CSDE1: variants seen among roughly 807,000 people sequenced by gnomAD.
CSDE1 encodes the protein cold shock domain containing E1, also known as cold shock domain-containing protein E1.
In CSDE1, 17 loss-of-function variants were observed where a neutral mutation model predicts 89.3. The observed-to-expected ratio is 0.19, with a 90% CI of 0.13 to 0.29. The LOEUF (loss-of-function observed/expected upper bound fraction) is 0.29. Among genes scored for constraint, CSDE1 ranks in the 10% least tolerant of loss-of-function variants. CSDE1 has a pLI of 1.00. For missense variants in CSDE1, 672 were observed against 984.2 expected, an observed-to-expected ratio of 0.68 and a Z score of 4.24; for synonymous variants, 322 against 332.8, an observed-to-expected ratio of 0.97 and a Z score of 0.35.
chr1:114,736,068 G>A (rs1230848919), intron 6 of CSDE1, among the ~76,000 whole-genome samples: 1 of 152,080 alleles, frequency 6.6e-6, no homozygotes, highest in African/African-American at 2.4e-5. Flanking sequence ...CATCTGCCCA[G>A]TAGGCCAGGC....
In CSDE1 at chr1:114,741,741, T is replaced by C. The variant is rs1468238399; in HGVS notation, c.1-1851A>G. 11 of 1,188,298 alleles carry C rather than the reference T, an allele frequency of 9.3e-6. 1 individual carries two copies. In the South Asian group the frequency reaches 1.9e-4, roughly 21 times the overall value. 73.6% of individuals were successfully genotyped at this position (1,188,298 alleles called of 1,614,324 possible). On this transcript the variant is annotated intron_variant, in intron 2 of 19. Transcript: ENST00000358528. Reference sequence around the variant, plus strand: ...AATTTAATGCACATTTCACAGTCAATATATATTTTTAGCTTGGGTTTAGCG... The same window carrying C: ...AATTTAATGCACATTTCACAGTCAACATATATTTTTAGCTTGGGTTTAGCG...
intron 6 of CSDE1, among the ~76,000 whole-genome samples, chr1:114,735,479 CTT>C (rs774592541): frequency 6.6e-6 from 1 of 152,162 alleles, no homozygotes; most frequent in African/African-American, 2.4e-5. Flanking sequence ...CGACAAGTAA[CTT>C]TGTGAGAACT....
intron 9 of CSDE1, among the ~76,000 whole-genome samples, chr1:114,733,063 T>C (rs1195188268): frequency 8.5e-5 from 13 of 152,256 alleles, no homozygotes; most frequent in East Asian, 1.9e-4. Flanking sequence ...TTAAGGAATT[T>C]TTCCAGGAAT....
chr1:114,718,325 T>A, intron 19 of CSDE1, 109 bp from the exon 20 acceptor site: 1 of 1,285,554 alleles, frequency 7.8e-7, no homozygotes, highest in South Asian at 1.3e-5. Context: ...TTTTTAATCA[T>A]CTTATGCAGT....
At chr1:114,753,526 T>C (rs1661418975) in intron 1 of CSDE1, among the ~76,000 whole-genome samples, 1 of 152,190 alleles carries the variant, frequency 6.6e-6, no homozygotes, top group Non-Finnish European at 1.5e-5. Context: ...CGGATTAACA[T>C]TAATTGGTGC....
In CSDE1 at chr1:114,734,400, A is replaced by C. The variant is rs1553247612; in HGVS notation, c.582+42T>G. On this transcript the variant is annotated intron_variant, in intron 7 of 19. Transcript: ENST00000358528. ...CTGGAGTTTGAAGTACAACATTTCA[A>C]GTGGCCAAAGAAAACTCAAGTTTCT... is the stretch of plus-strand genomic sequence containing the variant. 27 of 1,544,950 alleles carry C rather than the reference A, an allele frequency of 1.7e-5. No individual in the cohort carries two copies. The South Asian group carries it at 2.6e-4, about 15-fold the overall frequency.
At chr1:114,736,132 C>G (rs949924223) in intron 6 of CSDE1, among the ~76,000 whole-genome samples, 3 of 152,114 alleles carry the variant, frequency 2.0e-5, no homozygotes, top group African/African-American at 7.2e-5. Context: ...TTTATCAAAT[C>G]AATTAAGATT....
At chr1:114,740,818 A>G (rs950472074) in intron 2 of CSDE1, among the ~76,000 whole-genome samples, 1 of 152,246 alleles carries the variant, frequency 6.6e-6, no homozygotes, top group African/African-American at 2.4e-5. Flanking sequence ...CAGTAATGAC[A>G]TTTCTAAATC....
intron 16 of CSDE1, among the ~76,000 whole-genome samples, chr1:114,722,206 A>G (rs918214839): frequency 1.3e-5 from 2 of 152,164 alleles, no homozygotes; most frequent in Non-Finnish European, 2.9e-5. Context: ...AATTTTAAAT[A>G]CAGGAACCAA....
intron 16 of CSDE1, among the ~76,000 whole-genome samples, chr1:114,720,918 C>T (rs1290561751): frequency 7.2e-5 from 11 of 152,210 alleles, no homozygotes; most frequent in Non-Finnish European, 4.4e-5. Flanking sequence ...GAGAATGTCA[C>T]AGCTCCCATC....
intron 2 of CSDE1, chr1:114,741,534 T>G: frequency 1.3e-6 from 2 of 1,547,846 alleles, no homozygotes; most frequent in Non-Finnish European, 1.7e-6. Context: ...TACAGATCTC[T>G]GATAAGTTGG....
At chr1:114,729,706 T>G (rs1430012856) in intron 12 of CSDE1, among the ~76,000 whole-genome samples, 1 of 152,170 alleles carries the variant, frequency 6.6e-6, no homozygotes, top group Non-Finnish European at 1.5e-5. Flanking sequence ...ATAGCAATAT[T>G]TTATATTCTA....
At chr1:114,729,879 G>A (rs1193179397) in intron 12 of CSDE1, among the ~76,000 whole-genome samples, 1 of 152,128 alleles carries the variant, frequency 6.6e-6, no homozygotes, top group Non-Finnish European at 1.5e-5. Flanking sequence ...AAATTGCCTG[G>A]AAGACAGTAC....
chr1:114,741,766 G>A (rs550655163), intron 2 of CSDE1: 15 of 906,006 alleles, frequency 1.7e-5, no homozygotes, highest in East Asian at 1.5e-4. Context: ...TGGGTTTAGC[G>A]AAATATAAAT....
chr1:114,732,073 C>G (rs1331134203), intron 10 of CSDE1, among the ~76,000 whole-genome samples: 3 of 151,880 alleles, frequency 2.0e-5, no homozygotes, highest in Non-Finnish European at 4.4e-5. Flanking sequence ...CTCAGCCTCC[C>G]AAAGTGCTGG....
rs376106230 is a variant in CSDE1 at position 114,730,583 on chromosome 1, C to T, written c.1116G>A (p.Met372Ile). 1.9e-6 allele frequency: 3 copies of T among 1,613,750 alleles called. No individual in the cohort carries two copies. The highest frequency in any genetic ancestry group is 2.7e-5 in the African/African-American group (2 of 74,840). Reference sequence around the variant, plus strand: ...CCAGAATTTCACTGAAGTGGAAGAACATACGAACATCACGATCCACACACT... The same window carrying T: ...CCAGAATTTCACTGAAGTGGAAGAATATACGAACATCACGATCCACACACT... ...FIKCVDRDVR[M>I]FFHFSEILDG... The change falls in exon 11 of 20, where the codon ATG (methionine) becomes ATA (isoleucine). Residue 372 changes from methionine (M) to isoleucine (I), a missense_variant. Met to Ile is a conservative substitution (Grantham distance 10). This residue lies in a region of CSDE1 where 169 missense variants were observed against 262.9 expected (regional missense o/e 0.64). Coordinates refer to ENST00000358528, the MANE Select transcript of CSDE1 (RefSeq NM_001007553.3).
chr1:114,754,285 A>G (rs1313299895), intron 1 of CSDE1, among the ~76,000 whole-genome samples: 1 of 152,170 alleles, frequency 6.6e-6, no homozygotes, highest in African/African-American at 2.4e-5. Context: ...GAGCCACTGC[A>G]CCTGGCCACC....
intron 1 of CSDE1, among the ~76,000 whole-genome samples, chr1:114,757,363 C>A (rs996029939): frequency 1.3e-5 from 2 of 152,170 alleles, no homozygotes; most frequent in African/African-American, 4.8e-5. Flanking sequence ...CACTGCCGCA[C>A]TGCGCTCTGG....
rs35037659 is a variant in CSDE1 at position 114,730,454 on chromosome 1, T to C, written c.1192-32A>G. ...ATGATAAAACAAAATTAACTTTCAATTGAAAAAGAAAGCATCAAGAAACAC... is the reference window on the plus strand; with the variant it reads ...ATGATAAAACAAAATTAACTTTCAACTGAAAAAGAAAGCATCAAGAAACAC... On this transcript the variant is annotated intron_variant, in intron 11 of 19. Coordinates refer to ENST00000358528, the MANE Select transcript of CSDE1 (RefSeq NM_001007553.3). 0.013 allele frequency: 20,384 copies of C among 1,610,026 alleles called. 173 individuals are homozygous for C. The highest frequency in any genetic ancestry group is 0.015 in the Non-Finnish European group (18,111 of 1,178,366).
Sources: allele counts gnomAD v4.1 joint callset (sites outside exome capture counted in the v4.1 genomes callset), GRCh38; gene constraint gnomAD v4.1.1; regional missense constraint gnomAD v4.1.1; transcripts MANE v1.5; gene names NCBI Gene and HGNC (gene_info 2026-07-23, HGNC 2026-07-21).